Variants in CCSER1 observed in about 807,000 individuals in gnomAD.
CCSER1 encodes the protein coiled-coil serine rich protein 1, also known as serine-rich coiled-coil domain-containing protein 1.
A neutral mutation model predicts 82.0 loss-of-function variants in CCSER1; 41 were observed. The observed-to-expected ratio is 0.50, with a 90% CI of 0.39 to 0.65. CCSER1 has a LOEUF of 0.65. CCSER1 is among the 30% of genes least tolerant of loss of function. The probability of loss-of-function intolerance (pLI) is 0.00; values close to 1 mark genes in which losing one functional copy is unlikely to be tolerated. For missense variants in CCSER1, 1,119 were observed against 1,064.2 expected (o/e 1.05, Z -0.72); for synonymous variants, 414 against 383.9 (o/e 1.08, Z -0.92).
At chr4:90,889,888 A>G (rs1349167162) in intron 8 of CCSER1, among the ~76,000 whole-genome samples, 1 of 152,174 alleles carries the variant, frequency 6.6e-6, no homozygotes, top group Non-Finnish European at 1.5e-5. Flanking sequence ...TATGGGTAGC[A>G]CAATAAAGTA....
At chr4:90,319,988 A>G (rs904719797) in intron 3 of CCSER1, among the ~76,000 whole-genome samples, 3 of 152,234 alleles carry the variant, frequency 2.0e-5, no homozygotes, top group African/African-American at 7.2e-5. Context: ...ATTTTAGGTT[A>G]ATAGCCCTAA....
chr4:90,817,918 T>A (rs2149774837), intron 8 of CCSER1, among the ~76,000 whole-genome samples: 1 of 152,328 alleles, frequency 6.6e-6, no homozygotes, highest in South Asian at 2.1e-4. Context: ...ACTTATGCTT[T>A]ACTTACATTG....
intron 6 of CCSER1, among the ~76,000 whole-genome samples, chr4:90,707,632 A>G (rs767811818): frequency 6.6e-6 from 1 of 151,952 alleles, no homozygotes; most frequent in African/African-American, 2.4e-5. Context: ...AACTGTTATA[A>G]TCACTTTGGA....
chr4:90,993,161 A>T (rs897229035), intron 9 of CCSER1, among the ~76,000 whole-genome samples: 2 of 152,052 alleles, frequency 1.3e-5, no homozygotes, highest in African/African-American at 2.4e-5. Flanking sequence ...CAAATAGTCA[A>T]CTTTCTTTTG....
At chr4:90,501,288 A>T (rs998465279) in intron 5 of CCSER1, among the ~76,000 whole-genome samples, 1 of 152,184 alleles carries the variant, frequency 6.6e-6, no homozygotes, top group African/African-American at 2.4e-5. Flanking sequence ...TAATTATTGC[A>T]TACTTAAATT....
chr4:90,725,818 A>T (rs1165700080), intron 7 of CCSER1, among the ~76,000 whole-genome samples: 3 of 151,886 alleles, frequency 2.0e-5, no homozygotes, highest in African/African-American at 7.2e-5. Context: ...TTATAACCAC[A>T]TTCTGAAAAA....
chr4:91,034,823 G>A (rs1334549405), intron 9 of CCSER1, among the ~76,000 whole-genome samples: 1 of 152,076 alleles, frequency 6.6e-6, no homozygotes, highest in Admixed American at 6.6e-5. Flanking sequence ...CTTTTACATG[G>A]TAGGAAATCA....
At chr4:90,478,709 A>G (rs543301818) in intron 5 of CCSER1, among the ~76,000 whole-genome samples, 2 of 151,892 alleles carry the variant, frequency 1.3e-5, no homozygotes, top group African/African-American at 2.4e-5. Flanking sequence ...TAAAAAAAGA[A>G]TAAATTGTAC....
chr4:90,670,312 T>C (rs1361614522), intron 6 of CCSER1, among the ~76,000 whole-genome samples: 1 of 152,112 alleles, frequency 6.6e-6, no homozygotes, highest in Non-Finnish European at 1.5e-5. Flanking sequence ...CCCATATTTA[T>C]TGACGGTATT....
chr4:90,448,305 G>A (rs969506289), intron 4 of CCSER1, among the ~76,000 whole-genome samples: 2 of 151,386 alleles, frequency 1.3e-5, no homozygotes, highest in African/African-American at 4.8e-5. Context: ...GTGGAGAGCA[G>A]GTTCTTATTT....
chr4:91,545,666 G>GGAGTAA (rs1761850940), intron 10 of CCSER1, among the ~76,000 whole-genome samples: 2 of 151,854 alleles, frequency 1.3e-5, no homozygotes, highest in African/African-American at 4.9e-5. Context: ...TTACATATTA[G>GGAGTAA]ATCCAGAAGG....
chr4:90,723,769 T>A, intron 6 of CCSER1, 145 bp from the exon 7 acceptor site: 1 of 408,500 alleles, frequency 2.4e-6, no homozygotes. Flanking sequence ...TAATTATGAT[T>A]AAATCTACGT....
intron 10 of CCSER1, among the ~76,000 whole-genome samples, chr4:91,122,355 T>A (rs577234950): frequency 2.2e-4 from 33 of 151,886 alleles, no homozygotes; most frequent in Admixed American, 1.7e-3. Context: ...AGCTTAATAG[T>A]CAATAATTCT....
intron 9 of CCSER1, among the ~76,000 whole-genome samples, chr4:91,081,480 G>A (rs1023636593): frequency 1.3e-5 from 2 of 152,120 alleles, no homozygotes; most frequent in South Asian, 2.1e-4. Flanking sequence ...AAAACTGGAA[G>A]CATTCCCTTT....
At chr4:91,219,089 G>C (rs1444484509) in intron 10 of CCSER1, among the ~76,000 whole-genome samples, 1 of 152,132 alleles carries the variant, frequency 6.6e-6, no homozygotes, top group Non-Finnish European at 1.5e-5. Flanking sequence ...GAATTTTTCA[G>C]TAGTATAAAT....
chr4:90,569,416 G>A lies in CCSER1; in HGVS notation c.1725-58609G>A, dbSNP rs191351053. On this transcript the variant is annotated intron_variant, in intron 5 of 10. Coordinates refer to ENST00000509176, the MANE Select transcript of CCSER1 (RefSeq NM_001145065.2). ...AAAAACACTAGAAATTGATAGAGACGTGATACAGACACCATGATCAAAAAG... is the reference window on the plus strand; with the variant it reads ...AAAAACACTAGAAATTGATAGAGACATGATACAGACACCATGATCAAAAAG... Among the ~76,000 whole-genome samples, 406 of 152,232 alleles carry A rather than the reference G, an allele frequency of 2.7e-3. 1 individual carries two copies. The highest frequency in any genetic ancestry group is 4.1e-3 in the Non-Finnish European group (279 of 68,020).
intron 6 of CCSER1, among the ~76,000 whole-genome samples, chr4:90,654,644 C>A (rs1157286426): frequency 6.6e-6 from 1 of 152,056 alleles, no homozygotes; most frequent in Non-Finnish European, 1.5e-5. Flanking sequence ...TTTATTCATT[C>A]ATTCAAAACC....
chr4:91,389,526 T>C (rs181410945), intron 10 of CCSER1, among the ~76,000 whole-genome samples: 204 of 152,146 alleles, frequency 1.3e-3, no homozygotes, highest in Non-Finnish European at 2.6e-3. Flanking sequence ...CTTCTAACTT[T>C]GTTTTTTTTC....
chr4:91,007,898 T>G (rs1338497550), intron 9 of CCSER1, among the ~76,000 whole-genome samples: 2 of 152,108 alleles, frequency 1.3e-5, no homozygotes, highest in African/African-American at 4.8e-5. Context: ...TCCCTTTGAG[T>G]ACTGCTTTTG....
Sources: gnomAD v4.1 joint callset for allele counts (sites outside exome capture counted in the v4.1 genomes callset) on GRCh38, gnomAD v4.1.1 for gene constraint, MANE v1.5 for transcripts, NCBI Gene and HGNC (gene_info 2026-07-23, HGNC 2026-07-21) for gene names.